The following EBF1 variants were observed in gnomAD, a reference collection of about 807,000 sequenced individuals.
EBF1 encodes the protein transcription factor COE1.
Under a neutral mutation model 68.4 loss-of-function variants are expected in EBF1, and 10 were observed. That is an observed-to-expected ratio of 0.15 (90% CI 0.09 to 0.25). The LOEUF (loss-of-function observed/expected upper bound fraction) is 0.25. EBF1 is among the 10% of genes least tolerant of loss of function. The pLI, the probability that EBF1 is intolerant of heterozygous loss-of-function variation, is 1.00. For synonymous variants in EBF1, 298 were observed against 299.8 expected (o/e 0.99, Z 0.06); for missense variants, 509 against 794.4 (o/e 0.64, Z 4.32).
In EBF1 at chr5:158,853,389, G is replaced by T. The variant is rs1793358087; in HGVS notation, c.555-13279C>A. ...GAGCTAGTCTCAGGATTTTTGTTTG[G>T]GCGGCTTTAAAAAAAGAGATGGAAT... On this transcript the variant is annotated intron_variant, in intron 6 of 15. Transcript: ENST00000313708. Among the ~76,000 whole-genome samples, 3 of 152,068 alleles carry T rather than the reference G, an allele frequency of 2.0e-5. No homozygotes were observed. In the South Asian group the frequency reaches 6.2e-4, roughly 32 times the overall value.
chr5:158,860,439 T>C (rs540166808), intron 6 of EBF1, among the ~76,000 whole-genome samples: 2 of 152,198 alleles, frequency 1.3e-5, no homozygotes, highest in African/African-American at 4.8e-5. Context: ...CTACTCACCC[T>C]GGCTTCTGAC....
intron 10 of EBF1, among the ~76,000 whole-genome samples, chr5:158,740,174 A>G (rs1766011103): frequency 6.6e-6 from 1 of 152,228 alleles, no homozygotes; most frequent in African/African-American, 2.4e-5. Flanking sequence ...CACAATTGCT[A>G]AACAACAATA....
chr5:158,967,037 A>G (rs962821872), intron 6 of EBF1, among the ~76,000 whole-genome samples: 1 of 135,212 alleles, frequency 7.4e-6, no homozygotes, highest in Middle Eastern at 3.8e-3. Flanking sequence ...TGTAATAACA[A>G]CCCAAGTTTC....
intron 7 of EBF1, among the ~76,000 whole-genome samples, chr5:158,825,422 T>C (rs1378669327): frequency 6.6e-6 from 1 of 151,160 alleles, no homozygotes; most frequent in African/African-American, 2.4e-5. Flanking sequence ...ATAAAAGGAA[T>C]CCCAAACCAT....
chr5:159,096,164 G>A (rs993902043), intron 3 of EBF1, 179 bp downstream of exon 3: 13 of 645,164 alleles, frequency 2.0e-5, no homozygotes, highest in Non-Finnish European at 3.4e-5. Context: ...AGGCTCTTGG[G>A]CCACTAGGAG....
chr5:159,099,786 A>AT lies in EBF1; in HGVS notation c.-309dup, dbSNP rs1783297678. 1 of 69,142 alleles carries AT rather than the reference A, an allele frequency of 1.4e-5. No homozygotes were observed. Among genetic ancestry groups the AT allele is most frequent in the Non-Finnish European group, 2.8e-5 (1 of 35,302 alleles). The allele number at this position is 69,142 out of a possible 1,614,324, so 4.3% of individuals were successfully genotyped here. A position where few individuals can be genotyped will look rare whatever the true frequency, so the allele number is the denominator to read the frequency against. ...CTGTTGGGGGTTGTTTGGTTGGTTGATTTTTGGTTTGGGTGCTTTTTTTTT... is the reference window on the plus strand; with the variant it reads ...CTGTTGGGGGTTGTTTGGTTGGTTGATTTTTTGGTTTGGGTGCTTTTTTTTT... On this transcript the variant is annotated 5_prime_UTR_variant, in exon 1 of 16. Transcript: ENST00000313708.
intron 10 of EBF1, among the ~76,000 whole-genome samples, chr5:158,756,459 T>G (rs1413741266): frequency 6.6e-6 from 1 of 152,226 alleles, no homozygotes; most frequent in East Asian, 1.9e-4. Context: ...TTAAATTGAG[T>G]AACTTACTCA....
At chr5:158,779,311 CAG>C (rs1026558827) in intron 9 of EBF1, among the ~76,000 whole-genome samples, 1 of 151,876 alleles carries the variant, frequency 6.6e-6, no homozygotes, top group African/African-American at 2.4e-5. Flanking sequence ...CATAGCAAGT[CAG>C]AGCAAAAGGC....
rs374345831 is a variant in EBF1 at position 159,031,173 on chromosome 5, C to CA, written c.554+42222dup. On this transcript the variant is annotated intron_variant, in intron 6 of 15. Transcript: ENST00000313708. The stretch of plus-strand genomic sequence containing the variant: ...TGGGCTACAGAGCGAGACTTCGTCT[C>CA]AAAAAAAAAGAAAAGAAAAGAAAAG... 3.4e-3 allele frequency among the ~76,000 whole-genome samples: 497 copies of CA among 147,220 alleles called. 3 individuals carry two copies. The highest frequency in any genetic ancestry group is 0.012 in the African/African-American group (464 of 38,664).
intron 6 of EBF1, among the ~76,000 whole-genome samples, chr5:158,957,943 G>A (rs1047926844): frequency 1.3e-5 from 2 of 151,988 alleles, no homozygotes; most frequent in South Asian, 2.1e-4. Flanking sequence ...TCTTTTACAC[G>A]AGGCTTAGAG....
intron 6 of EBF1, among the ~76,000 whole-genome samples, chr5:158,902,595 TTTATTATTA>T (rs60535761): frequency 6.8e-6 from 1 of 147,162 alleles, no homozygotes; most frequent in Non-Finnish European, 1.5e-5. Flanking sequence ...CCTGAATAAT[TTTATTATTA>T]TTATTATTAT....
chr5:158,857,887 C>T (rs1054855886), intron 6 of EBF1, among the ~76,000 whole-genome samples: 1 of 152,202 alleles, frequency 6.6e-6, no homozygotes, highest in Admixed American at 6.5e-5. Flanking sequence ...AATTTATCCT[C>T]ATTTACTCTG....
Position 159,095,693 on chromosome 5 carries a change from G to A in EBF1, c.356-18C>T, listed in dbSNP as rs1429174436. On this transcript the variant is annotated intron_variant, in intron 3 of 15. Transcript: ENST00000313708. The stretch of plus-strand genomic sequence containing the variant: ...CCTTATCCCTAGGGTTGGAAATGGG[G>A]GAAGGGAGGAGAATTAAGTGAGAGG... 2.5e-6 allele frequency: 4 copies of A among 1,613,908 alleles called. No homozygotes were observed. Among genetic ancestry groups the A allele is most frequent in the Non-Finnish European group, 3.4e-6 (4 of 1,179,862 alleles).
chr5:159,012,291 A>G (rs1212581880), intron 6 of EBF1, among the ~76,000 whole-genome samples: 1 of 151,896 alleles, frequency 6.6e-6, no homozygotes, highest in Non-Finnish European at 1.5e-5. Context: ...GTCTCAAAAA[A>G]AAAAAAGAAA....
At chr5:159,071,898 G>A (rs547038014) in intron 6 of EBF1, among the ~76,000 whole-genome samples, 106 of 152,234 alleles carry the variant, frequency 7.0e-4, no homozygotes, top group African/African-American at 2.2e-3. Context: ...TTTCAACAGA[G>A]GAGGAAGAAA....
At chr5:158,730,090 C>A (rs1763783203) in intron 11 of EBF1, among the ~76,000 whole-genome samples, 1 of 152,246 alleles carries the variant, frequency 6.6e-6, no homozygotes, top group Non-Finnish European at 1.5e-5. Context: ...AATGGCATAT[C>A]TCTAGACTTA....
At chr5:159,043,917 A>G (rs11747753) in intron 6 of EBF1, among the ~76,000 whole-genome samples, 25,894 of 152,204 alleles carry the variant, frequency 0.17, 2,296 homozygotes, top group Non-Finnish European at 0.2. Context: ...GCACTTGTGC[A>G]GTCACAGTAC....
chr5:158,823,119 A>C, intron 8 of EBF1, 57 bp downstream of exon 8: 1 of 1,612,148 alleles, frequency 6.2e-7, no homozygotes, highest in Non-Finnish European at 8.5e-7. Flanking sequence ...GAAGAAAGAA[A>C]CCAAATATAT....
At chr5:158,858,628 C>A (rs181451279) in intron 6 of EBF1, among the ~76,000 whole-genome samples, 2 of 152,206 alleles carry the variant, frequency 1.3e-5, no homozygotes, top group African/African-American at 2.4e-5. Flanking sequence ...TCCCCAAATT[C>A]TCTCCTCTGT....
Sources: allele counts gnomAD v4.1 joint callset (sites outside exome capture counted in the v4.1 genomes callset), GRCh38; gene constraint gnomAD v4.1.1; transcripts MANE v1.5; gene names NCBI Gene and HGNC (gene_info 2026-07-23, HGNC 2026-07-21).